The following REXO4 variants were observed in gnomAD, a reference collection of about 807,000 sequenced individuals.
REXO4 encodes the protein RNA exonuclease 4.
In REXO4, 29 loss-of-function variants were observed where a neutral mutation model predicts 39.9. The ratio of observed to expected loss-of-function variants is 0.73; its 90% confidence interval spans 0.54 to 0.99. The LOEUF is 0.99. Among genes scored for constraint, REXO4 ranks in the 50% least tolerant of loss-of-function variants. REXO4 has a pLI of 0.00. For missense variants in REXO4, 524 were observed against 546.5 expected (o/e 0.96, Z 0.41); for synonymous variants, 184 against 206.2 (o/e 0.89, Z 0.92).
intron 1 of REXO4, 104 bp downstream of exon 1, chr9:133,417,516 A>T: frequency 8.2e-7 from 1 of 1,214,348 alleles, no homozygotes; most frequent in Non-Finnish European, 1.2e-6. Flanking sequence ...TTTCGATTCA[A>T]ATCTGCCTTT....
intron 6 of REXO4, 37 bp downstream of exon 6, chr9:133,408,731 G>A (rs782305513): frequency 4.3e-6 from 6 of 1,407,456 alleles, no homozygotes; most frequent in Non-Finnish European, 6.0e-6. Context: ...CAGCAAAACA[G>A]AAATACAGTA....
intron 2 of REXO4, among the ~76,000 whole-genome samples, chr9:133,413,619 G>A (rs898763118): frequency 6.6e-6 from 1 of 152,130 alleles, no homozygotes; most frequent in African/African-American, 2.4e-5. Context: ...CTTGCCCTCC[G>A]TACTAGGAAG....
chr9:133,412,285 T>C lies in REXO4; in HGVS notation c.910+14A>G. 6.2e-7 allele frequency: 1 copy of C among 1,611,642 alleles called. No homozygotes were observed. Reference sequence around the variant, plus strand: ...TACTTTCCCTTCTAAGTTCCTGAGCTGTGGATGACATACCCTGCTTGAGGT... The same window carrying C: ...TACTTTCCCTTCTAAGTTCCTGAGCCGTGGATGACATACCCTGCTTGAGGT... On this transcript the variant is annotated intron_variant, in intron 4 of 7. Transcript: ENST00000371942.
intron 5 of REXO4, 139 bp from the exon 6 acceptor site, chr9:133,408,981 TGTGTGACG>T: frequency 2.1e-6 from 1 of 484,940 alleles, no homozygotes. Flanking sequence ...TGTGTGTGTG[TGTGTGACG>T]GAGTCTTGCT....
At chr9:133,411,351 A>C (rs1426618580) in intron 4 of REXO4, among the ~76,000 whole-genome samples, 6 of 152,254 alleles carry the variant, frequency 3.9e-5, no homozygotes, top group African/African-American at 1.4e-4. Flanking sequence ...GGAGGAGAGC[A>C]TATGTTGAGT....
intron 6 of REXO4, among the ~76,000 whole-genome samples, 166 bp downstream of exon 6, chr9:133,408,602 G>A (rs1196770093): frequency 6.6e-6 from 1 of 152,102 alleles, no homozygotes; most frequent in Non-Finnish European, 1.5e-5. Flanking sequence ...CATTTTTAAG[G>A]TCAGCAATTA....
In REXO4 at chr9:133,417,605, C is replaced by T. The variant is rs1279536981; in HGVS notation, c.225+15G>A. On this transcript the variant is annotated intron_variant, in intron 1 of 7. Coordinates refer to ENST00000371942, the MANE Select transcript of REXO4 (RefSeq NM_020385.4). ...GAGCTGCGCAGCGCTCCGCCCGGGC[C>T]CCCTCAAGCCTCACCTCTTGCAGCG... The T allele has an allele frequency of 1.2e-6, 2 of 1,611,298 alleles. No homozygotes were observed. Among genetic ancestry groups the T allele is most frequent in the Admixed American group, 1.7e-5 (1 of 59,974 alleles).
intron 5 of REXO4, among the ~76,000 whole-genome samples, chr9:133,410,351 C>T (rs587710944): frequency 6.6e-6 from 1 of 152,328 alleles, no homozygotes; most frequent in South Asian, 2.1e-4. Context: ...TGTAAATACA[C>T]ACGTACTCGC....
chr9:133,417,942 G>C lies in REXO4; in HGVS notation c.-98C>G. ...CACAAGCGCCTGCCCAGGCCAGGCC[G>C]AAACACACCCACCGCAGGGACCCCG... is the stretch of plus-strand genomic sequence containing the variant. On this transcript the variant is annotated 5_prime_UTR_variant, in exon 1 of 8. Transcript: ENST00000371942. 1.7e-6 allele frequency: 2 copies of C among 1,146,278 alleles called. No individual in the cohort carries two copies. Among genetic ancestry groups the C allele is most frequent in the Non-Finnish European group, 2.4e-6 (2 of 825,156 alleles). The allele number at this position is 1,146,278 out of a possible 1,614,324, so 71.0% of individuals were successfully genotyped here.
intron 1 of REXO4, among the ~76,000 whole-genome samples, chr9:133,416,490 C>T (rs1270708208): frequency 5.3e-5 from 8 of 152,028 alleles, no homozygotes; most frequent in Admixed American, 3.9e-4. Flanking sequence ...TGGGATTACA[C>T]GTGTGGGCTA....
At chr9:133,411,798 TG>T (rs1365981156) in intron 4 of REXO4, among the ~76,000 whole-genome samples, 1 of 151,844 alleles carries the variant, frequency 6.6e-6, no homozygotes, top group African/African-American at 2.4e-5. Flanking sequence ...TGGTGGCATA[TG>T]CCTGTAATCC....
chr9:133,411,857 C>T (rs894992852), intron 4 of REXO4, among the ~76,000 whole-genome samples: 19 of 151,966 alleles, frequency 1.3e-4, no homozygotes, highest in Admixed American at 2.6e-4. Flanking sequence ...ACCCAGGAGG[C>T]GGAGGTTGCA....
At chr9:133,415,411 CTT>C (rs11428403) in intron 1 of REXO4, among the ~76,000 whole-genome samples, 2 of 143,548 alleles carry the variant, frequency 1.4e-5, no homozygotes, top group Non-Finnish European at 1.5e-5. Flanking sequence ...ACAGAAATCG[CTT>C]TTTTTTTTTT....
rs587606514 is a variant in REXO4 at position 133,411,922 on chromosome 9, A to G, written c.910+377T>C. Among the ~76,000 whole-genome samples the G allele has an allele frequency of 7.7e-3, 1,169 of 152,200 alleles. 14 individuals are homozygous for G. Among genetic ancestry groups the G allele is most frequent in the African/African-American group, 0.027 (1,119 of 41,536 alleles). Reference sequence around the variant, plus strand: ...GCCTGGGCAACAAGAGCAAAACTCCATCTCAAAAAAAAATAATAATTTTTT... The same window carrying G: ...GCCTGGGCAACAAGAGCAAAACTCCGTCTCAAAAAAAAATAATAATTTTTT... On this transcript the variant is annotated intron_variant, in intron 4 of 7. Coordinates refer to ENST00000371942, the MANE Select transcript of REXO4 (RefSeq NM_020385.4).
rs371849600 is a variant in REXO4, at chr9:133,411,057, A to G, written c.927T>C (p.Val309=). 3.7e-6 allele frequency: 6 copies of G among 1,614,000 alleles called. No homozygotes were observed. Among genetic ancestry groups the G allele is most frequent in the Non-Finnish European group, 5.1e-6 (6 of 1,180,008 alleles). The part of the protein sequence containing the change: ...ENLKQGEELE[V]VQKEVAEMLK... ...GCATCTCTGCCACTTCCTTCTGAAC[A>G]ACTTCAAGCTCTTCTCCTGGAAAAT... The change falls in exon 5 of 8, where the codon GTT becomes GTC. Residue 309 remains valine, a synonymous_variant. Transcript: ENST00000371942.
chr9:133,417,118 C>T (rs1036572400), intron 1 of REXO4, among the ~76,000 whole-genome samples: 2 of 152,236 alleles, frequency 1.3e-5, no homozygotes, highest in Non-Finnish European at 2.9e-5. Context: ...TCAAGCGATT[C>T]TTCTGCCTCA....
intron 1 of REXO4, among the ~76,000 whole-genome samples, chr9:133,417,128 A>G (rs1388067888): frequency 6.6e-6 from 1 of 152,172 alleles, no homozygotes; most frequent in East Asian, 1.9e-4. Flanking sequence ...CTTCTGCCTC[A>G]GGCTCCCCGA....
chr9:133,417,667 G>A lies in REXO4; in HGVS notation c.178C>T (p.Pro60Ser). 1.2e-6 allele frequency: 2 copies of A among 1,614,090 alleles called. No homozygotes were observed. The highest frequency in any genetic ancestry group is 2.2e-5 in the East Asian group (1 of 44,882). The stretch of plus-strand genomic sequence containing the variant: ...TGAGAAAAGTCTTCTGGTGCCTTTG[G>A]AGGTCGCACCACAGCACCGGGGCCG... The part of the protein sequence containing the change: ...ASGPGAVVRP[P>S]KAPEDFSQNW... Residue 60 changes from proline (P) to serine (S), a missense_variant, in exon 1 of 8, where the codon CCA (proline) becomes TCA (serine). Physicochemically the swap from Pro to Ser is moderately conservative, Grantham distance 74. Coordinates refer to ENST00000371942, the MANE Select transcript of REXO4 (RefSeq NM_020385.4).
chr9:133,406,929 G>A lies in REXO4; in HGVS notation c.*24C>T, dbSNP rs1326394487. 2.3e-5 allele frequency: 37 copies of A among 1,607,626 alleles called. No individual in the cohort carries two copies. The highest frequency in any genetic ancestry group is 3.3e-5 in the South Asian group (3 of 91,068). On this transcript the variant is annotated 3_prime_UTR_variant, in exon 8 of 8. Coordinates refer to ENST00000371942, the MANE Select transcript of REXO4 (RefSeq NM_020385.4). ...GGTCACATTGCCTCTGTAGCGGGGC[G>A]GCAGCAGCAGCAGGGCAGGACTGCT... is the stretch of plus-strand genomic sequence containing the variant.
Sources: allele counts gnomAD v4.1 joint callset (sites outside exome capture counted in the v4.1 genomes callset), GRCh38; gene constraint gnomAD v4.1.1; transcripts MANE v1.5; gene names NCBI Gene and HGNC (gene_info 2026-07-23, HGNC 2026-07-21).